EDIL3: variants seen among roughly 807,000 people sequenced by gnomAD.
EDIL3 encodes EGF like and discoidin domains 3.
A neutral mutation model predicts 67.4 loss-of-function variants in EDIL3; 37 were observed. The observed-to-expected ratio is 0.55, with a 90% confidence interval of 0.42 to 0.72. The LOEUF is 0.72. Ranked by LOEUF, EDIL3 falls within the 30% of genes least tolerant of loss-of-function variation. EDIL3 has a pLI of 0.00. For synonymous variants in EDIL3, 195 were observed against 196.3 expected, an observed-to-expected ratio of 0.99 and a Z score of 0.05; for missense variants, 527 against 586.3, an observed-to-expected ratio of 0.90 and a Z score of 1.04.
At chr5:84,088,582 T>G (rs557644404) in intron 6 of EDIL3, among the ~76,000 whole-genome samples, 2 of 152,236 alleles carry the variant, frequency 1.3e-5, no homozygotes, top group African/African-American at 4.8e-5. Context: ...GAGACCTGCA[T>G]TGAACATAGT....
intron 4 of EDIL3, among the ~76,000 whole-genome samples, chr5:84,178,695 G>T (rs1203760159): frequency 1.3e-5 from 2 of 152,128 alleles, no homozygotes; most frequent in Non-Finnish European, 2.9e-5. Context: ...TAACTGTAAA[G>T]GTCAGGTCTC....
intron 9 of EDIL3, among the ~76,000 whole-genome samples, chr5:84,056,511 A>G (rs946313745): frequency 5.8e-5 from 8 of 137,058 alleles, no homozygotes; most frequent in African/African-American, 1.7e-4. Context: ...ATTTGAATAC[A>G]TACGAATTCC....
At chr5:83,944,132 G>A (rs1744272833) in intron 10 of EDIL3, among the ~76,000 whole-genome samples, 1 of 152,054 alleles carries the variant, frequency 6.6e-6, no homozygotes, top group Non-Finnish European at 1.5e-5. Flanking sequence ...CTGGGCACTG[G>A]AGAGAAGCAC....
At chr5:84,114,393 T>A (rs183950607) in intron 5 of EDIL3, among the ~76,000 whole-genome samples, 49 of 152,224 alleles carry the variant, frequency 3.2e-4, no homozygotes, top group African/African-American at 1.1e-3. Context: ...AGAGTGAGAA[T>A]GTGAAGGTAA....
intron 4 of EDIL3, among the ~76,000 whole-genome samples, chr5:84,175,316 C>A (rs1187972964): frequency 6.6e-6 from 1 of 151,944 alleles, no homozygotes; most frequent in Admixed American, 6.6e-5. Context: ...ACATAGTGAG[C>A]CTTAGCCTCC....
chr5:84,369,460 T>C (rs1355632924), intron 1 of EDIL3, among the ~76,000 whole-genome samples: 1 of 152,154 alleles, frequency 6.6e-6, no homozygotes, highest in African/African-American at 2.4e-5. Context: ...GAAGACATTA[T>C]GCTAAGTGAA....
intron 1 of EDIL3, among the ~76,000 whole-genome samples, chr5:84,308,488 GA>G (rs1245978935): frequency 6.6e-6 from 1 of 152,150 alleles, no homozygotes; most frequent in Non-Finnish European, 1.5e-5. Flanking sequence ...TTAAAATAGT[GA>G]TCATCTTAAT....
chr5:84,355,891 C>G (rs1337696143), intron 1 of EDIL3, among the ~76,000 whole-genome samples: 3 of 152,176 alleles, frequency 2.0e-5, no homozygotes, highest in Admixed American at 1.3e-4. Context: ...CCACAGCCAC[C>G]CCTTCCCCTA....
intron 9 of EDIL3, among the ~76,000 whole-genome samples, chr5:84,009,923 G>A (rs1745487855): frequency 6.6e-6 from 1 of 152,168 alleles, no homozygotes; most frequent in Non-Finnish European, 1.5e-5. Context: ...ACCAATTAAG[G>A]CAAGTTGCCT....
At chr5:84,154,466 C>T (rs1182487336) in intron 4 of EDIL3, among the ~76,000 whole-genome samples, 2 of 151,994 alleles carry the variant, frequency 1.3e-5, no homozygotes, top group African/African-American at 2.4e-5. Flanking sequence ...TTTATGGAGG[C>T]TGTTCTAGCA....
At chr5:84,243,104 A>G (rs1196901706) in intron 2 of EDIL3, among the ~76,000 whole-genome samples, 2 of 151,764 alleles carry the variant, frequency 1.3e-5, no homozygotes, top group Admixed American at 6.6e-5. Context: ...TGAATGGTGC[A>G]CTCTGAAAAT....
intron 4 of EDIL3, among the ~76,000 whole-genome samples, chr5:84,166,473 C>T (rs556936581): frequency 6.6e-6 from 1 of 152,278 alleles, no homozygotes; most frequent in East Asian, 1.9e-4. Flanking sequence ...CACCAAGGCT[C>T]ATTCATTCAT....
intron 1 of EDIL3, among the ~76,000 whole-genome samples, chr5:84,348,764 T>G (rs371333158): frequency 6.6e-6 from 1 of 152,160 alleles, no homozygotes; most frequent in East Asian, 1.9e-4. Context: ...GGTCTCCAAT[T>G]TCTACTGAAG....
At chr5:84,180,317 T>G (rs183346120) in intron 4 of EDIL3, 76 bp downstream of exon 4, 205 of 1,454,070 alleles carry the variant, frequency 1.4e-4, no homozygotes, top group Non-Finnish European at 1.5e-4. Flanking sequence ...ATGATTCTAC[T>G]ACAAACAAGA....
Position 84,254,176 on chromosome 5 carries a change from C to A in EDIL3, c.104G>T (p.Gly35Val), listed in dbSNP as rs751035642. The change falls in exon 2 of 11, where the codon GGT becomes GTT. Residue 35 changes from glycine (G) to valine (V), a missense_variant. Transcript: ENST00000296591. Reference protein sequence around the residue: ...ICDPNPCENGGICLPGLADGS... With the variant: ...ICDPNPCENGVICLPGLADGS... ...ATCAGCCAATCCTGGCAAACAGATA[C>A]CTCCATTTTCACATGGATTGGGATC... The A allele has an allele frequency of 1.9e-6, 3 of 1,612,394 alleles. No homozygotes were observed. The highest frequency in any genetic ancestry group is 1.1e-5 in the South Asian group (1 of 90,706).
At chr5:83,998,459 C>CA (rs1387042933) in intron 9 of EDIL3, among the ~76,000 whole-genome samples, 2 of 152,116 alleles carry the variant, frequency 1.3e-5, no homozygotes, top group African/African-American at 4.8e-5. Flanking sequence ...TTGCCATGGG[C>CA]ATTGGGTGAT....
At chr5:84,147,829 T>C (rs1169797130) in intron 4 of EDIL3, among the ~76,000 whole-genome samples, 3 of 152,056 alleles carry the variant, frequency 2.0e-5, no homozygotes, top group African/African-American at 7.2e-5. Context: ...AATTTTGTTA[T>C]ACAGAAAGAT....
chr5:84,340,980 C>T (rs982898892), intron 1 of EDIL3, among the ~76,000 whole-genome samples: 13 of 151,934 alleles, frequency 8.6e-5, no homozygotes, highest in Non-Finnish European at 1.5e-5. Flanking sequence ...ACTCTTTTAC[C>T]CTTCATGGCT....
At chr5:84,102,523 T>C (rs1008315566) in intron 6 of EDIL3, among the ~76,000 whole-genome samples, 1 of 150,964 alleles carries the variant, frequency 6.6e-6, no homozygotes, top group Non-Finnish European at 1.5e-5. Context: ...AAAATCAACA[T>C]ACAAAAATTA....
Sources: allele counts gnomAD v4.1 joint callset (sites outside exome capture counted in the v4.1 genomes callset), GRCh38; gene constraint gnomAD v4.1.1; transcripts MANE v1.5; gene names NCBI Gene and HGNC (gene_info 2026-07-23, HGNC 2026-07-21).